The following CSTPP1 variants were observed in gnomAD, a reference collection of about 807,000 sequenced individuals.
CSTPP1 encodes the protein UPF0705 protein C11orf49.
the CSTPP1 span, chr11:47,157,320 C>G: frequency 7.7e-7 from 1 of 1,299,134 alleles, no homozygotes; most frequent in Non-Finnish European, 1.0e-6. Context: ...CCCAGGCATT[C>G]TAGGGCCCTT....
At chr11:46,980,212 T>C in the CSTPP1 span, among the ~76,000 whole-genome samples, 1 of 152,224 alleles carries the variant, frequency 6.6e-6, no homozygotes. Flanking sequence ...CCCCTTTTGG[T>C]TGAGGGAAAT....
chr11:47,062,154 T>C, the CSTPP1 span, among the ~76,000 whole-genome samples: 4 of 152,310 alleles, frequency 2.6e-5, no homozygotes, highest in East Asian at 7.7e-4. Flanking sequence ...TATCATATCA[T>C]TTATTACAGT....
the CSTPP1 span, among the ~76,000 whole-genome samples, chr11:46,943,861 A>G: frequency 6.6e-6 from 1 of 151,990 alleles, no homozygotes; most frequent in African/African-American, 2.4e-5. Context: ...TCTACTAAAA[A>G]TAAAAAAAAA....
chr11:46,966,839 C>A, the CSTPP1 span, among the ~76,000 whole-genome samples: 2 of 152,164 alleles, frequency 1.3e-5, no homozygotes, highest in Non-Finnish European at 2.9e-5. Context: ...TATTAGTCAG[C>A]TTGGGCTGTC....
the CSTPP1 span, among the ~76,000 whole-genome samples, chr11:47,027,395 T>C: frequency 2.0e-5 from 3 of 152,188 alleles, no homozygotes; most frequent in African/African-American, 7.2e-5. Flanking sequence ...AAGAGTTTAC[T>C]TCAGAGAAGC....
At chr11:47,152,526 C>A in the CSTPP1 span, among the ~76,000 whole-genome samples, 1 of 151,496 alleles carries the variant, frequency 6.6e-6, no homozygotes, top group South Asian at 2.1e-4. Flanking sequence ...CGCGAGGCTG[C>A]GAGGCAGGGG....
At chr11:47,038,807 G>T in the CSTPP1 span, among the ~76,000 whole-genome samples, 1 of 117,442 alleles carries the variant, frequency 8.5e-6, no homozygotes, top group African/African-American at 2.6e-5. Flanking sequence ...CGGGCGGAGG[G>T]GCTCCTCACT....
At chr11:46,954,887 ATG>A in the CSTPP1 span, among the ~76,000 whole-genome samples, 1 of 151,658 alleles carries the variant, frequency 6.6e-6, no homozygotes, top group Non-Finnish European at 1.5e-5. Context: ...AAGAGTCAGC[ATG>A]TGTTAAAAAA....
the CSTPP1 span, among the ~76,000 whole-genome samples, chr11:46,962,394 C>T: frequency 6.6e-6 from 1 of 152,026 alleles, no homozygotes; most frequent in Non-Finnish European, 1.5e-5. Context: ...TCTTCTTTTT[C>T]GAGATTGTTT....
chr11:47,021,518 G>A, the CSTPP1 span, among the ~76,000 whole-genome samples: 1 of 152,142 alleles, frequency 6.6e-6, no homozygotes. Context: ...GGTCCTGCCT[G>A]GCAGGGGGAG....
the CSTPP1 span, among the ~76,000 whole-genome samples, chr11:47,154,655 G>A: frequency 2.0e-5 from 3 of 151,998 alleles, no homozygotes; most frequent in Non-Finnish European, 2.9e-5. Flanking sequence ...CCAGGGTGGC[G>A]GTGTCTGTCG....
chr11:46,938,023 C>T, the CSTPP1 span, among the ~76,000 whole-genome samples: 10 of 151,930 alleles, frequency 6.6e-5, no homozygotes, highest in African/African-American at 2.2e-4. Context: ...TACAGGCATG[C>T]GCCACCACGC....
At chr11:47,061,437 ACTT>A in the CSTPP1 span, among the ~76,000 whole-genome samples, 1 of 152,164 alleles carries the variant, frequency 6.6e-6, no homozygotes, top group Non-Finnish European at 1.5e-5. Flanking sequence ...TGTTGGTCTG[ACTT>A]CTTTTTGTAA....
chr11:47,012,489 A>G, the CSTPP1 span, among the ~76,000 whole-genome samples: 1 of 152,174 alleles, frequency 6.6e-6, no homozygotes, highest in Admixed American at 6.6e-5. Context: ...TGTATAGGGG[A>G]AAGGAAGAGA....
At chr11:47,060,134 C>CA in the CSTPP1 span, among the ~76,000 whole-genome samples, 149,394 of 149,396 alleles carry the variant, frequency 1, 74,696 homozygotes, top group Non-Finnish European at 1. Context: ...GAAAAAGAAT[C>CA]GAAACTGAGA....
chr11:46,940,207 C>T, the CSTPP1 span, among the ~76,000 whole-genome samples: 2 of 152,134 alleles, frequency 1.3e-5, no homozygotes, highest in African/African-American at 2.4e-5. Context: ...GGAGCTTCTT[C>T]GTTCTTCATG....
the CSTPP1 span, among the ~76,000 whole-genome samples, chr11:47,011,856 A>G: frequency 2.6e-5 from 4 of 152,346 alleles, no homozygotes; most frequent in South Asian, 8.3e-4. Flanking sequence ...AATATGCAGT[A>G]GTATGTGGAT....
the CSTPP1 span, among the ~76,000 whole-genome samples, chr11:47,013,641 G>A: frequency 6.6e-6 from 1 of 152,186 alleles, no homozygotes; most frequent in Non-Finnish European, 1.5e-5. Flanking sequence ...TCTTTATGCA[G>A]TCTATCATTG....
chr11:46,997,072 T>G, the CSTPP1 span, among the ~76,000 whole-genome samples: 1 of 152,242 alleles, frequency 6.6e-6, no homozygotes, highest in East Asian at 1.9e-4. Flanking sequence ...TGTGGTGTTC[T>G]CTGTATTTCC....
Sources: gnomAD v4.1 joint callset for allele counts (sites outside exome capture counted in the v4.1 genomes callset) on GRCh38, gnomAD v4.1.1 for gene constraint, MANE v1.5 for transcripts, NCBI Gene and HGNC (gene_info 2026-07-23, HGNC 2026-07-21) for gene names.